The following IFI27L1 variants were observed in gnomAD, a reference collection of about 807,000 sequenced individuals.
The protein encoded by IFI27L1 is interferon alpha inducible protein 27 like 1.
A neutral mutation model predicts 9.2 loss-of-function variants in IFI27L1; 3 were observed. That is an observed-to-expected ratio of 0.32 (90% CI 0.15 to 0.84). IFI27L1 has a LOEUF of 0.84. Ranked by LOEUF, IFI27L1 falls within the 40% of genes least tolerant of loss-of-function variation. IFI27L1 has a pLI of 0.56. For missense variants in IFI27L1, 133 were observed against 134.2 expected (o/e 0.99, Z 0.05); for synonymous variants, 53 against 50.0 (o/e 1.06, Z -0.26).
At chr14:94,100,251 T>A in intron 2 of IFI27L1, 3 of 985,140 alleles carry the variant, frequency 3.0e-6, no homozygotes, top group Non-Finnish European at 2.4e-6. Flanking sequence ...GATGGGAGGA[T>A]TGAGGCTGAT....
chr14:94,102,351 TG>T (rs1886931743), intron 4 of IFI27L1, 125 bp from the exon 5 acceptor site: 2 of 605,728 alleles, frequency 3.3e-6, no homozygotes, highest in Admixed American at 3.1e-5. Context: ...GAAGCAGAGG[TG>T]GGGAACAGGG....
chr14:94,083,269 C>G (rs1886171751), intron 1 of IFI27L1, among the ~76,000 whole-genome samples: 1 of 152,208 alleles, frequency 6.6e-6, no homozygotes, highest in African/African-American at 2.4e-5. Flanking sequence ...AATGGATGAA[C>G]AGTTCCTTCT....
At chr14:94,086,720 A>G (rs900208908) in intron 1 of IFI27L1, among the ~76,000 whole-genome samples, 3 of 152,148 alleles carry the variant, frequency 2.0e-5, no homozygotes, top group Non-Finnish European at 4.4e-5. Context: ...TGCAAATAAT[A>G]ATAATAACAA....
chr14:94,099,522 T>C (rs77329189), intron 2 of IFI27L1, among the ~76,000 whole-genome samples: 13,773 of 152,124 alleles, frequency 0.091, 773 homozygotes, highest in Non-Finnish European at 0.12. Flanking sequence ...CAAGGATTGT[T>C]GGCAGCCACC....
intron 1 of IFI27L1, among the ~76,000 whole-genome samples, chr14:94,086,713 AAATAAT>A (rs1306045461): frequency 1.3e-5 from 2 of 152,248 alleles, no homozygotes; most frequent in South Asian, 4.1e-4. Flanking sequence ...GAACTTTTGC[AAATAAT>A]AATAATAACA....
At chr14:94,100,693 T>A in intron 2 of IFI27L1, 46 bp from the exon 3 acceptor site, 1 of 1,609,142 alleles carries the variant, frequency 6.2e-7, no homozygotes. Context: ...CTCCCATAGG[T>A]TTGTGTTTGT....
chr14:94,090,499 T>G lies in IFI27L1; in HGVS notation c.-51-6388T>G, dbSNP rs113403516. Among the ~76,000 whole-genome samples, 507 of 152,358 alleles carry G rather than the reference T, an allele frequency of 3.3e-3. 4 individuals are homozygous for G. The Middle Eastern group carries it at 0.058, about 17-fold the overall frequency. On this transcript the variant is annotated intron_variant, in intron 1 of 4. Transcript: ENST00000555523. ...TTGACTTTGGTGGAACTTTGTTCCA[T>G]GAAAGGAATCTCAGATAAGACATTT...
intron 3 of IFI27L1, chr14:94,101,354 T>C (rs1886888781): frequency 9.0e-6 from 2 of 222,052 alleles, no homozygotes; most frequent in South Asian, 9.7e-5. Flanking sequence ...ACTGCACTGC[T>C]CTGGAGATTT....
intron 1 of IFI27L1, among the ~76,000 whole-genome samples, chr14:94,081,814 C>T (rs543787601): frequency 6.6e-6 from 1 of 152,316 alleles, no homozygotes; most frequent in Non-Finnish European, 1.5e-5. Flanking sequence ...GACTAATCCA[C>T]TGACAGGCCG....
intron 3 of IFI27L1, chr14:94,101,449 T>G: frequency 6.8e-6 from 2 of 292,082 alleles, no homozygotes; most frequent in East Asian, 7.3e-5. Flanking sequence ...GCAGCTCTGA[T>G]ATTGTCTTCT....
intron 1 of IFI27L1, among the ~76,000 whole-genome samples, chr14:94,087,732 C>T (rs192319008): frequency 2.1e-4 from 32 of 151,812 alleles, no homozygotes; most frequent in Admixed American, 1.4e-3. Flanking sequence ...AGCCGATTGT[C>T]GTTTTTTTTT....
chr14:94,099,512 C>T (rs1194962014), intron 2 of IFI27L1, among the ~76,000 whole-genome samples: 3 of 152,058 alleles, frequency 2.0e-5, no homozygotes, highest in Non-Finnish European at 2.9e-5. Flanking sequence ...CCCGGAGCAC[C>T]AAGGATTGTT....
At chr14:94,084,660 C>G (rs911432753) in intron 1 of IFI27L1, among the ~76,000 whole-genome samples, 1 of 152,142 alleles carries the variant, frequency 6.6e-6, no homozygotes, top group Non-Finnish European at 1.5e-5. Context: ...GAAACAAAGA[C>G]AGTTATTCAA....
chr14:94,101,015 C>A lies in IFI27L1; in HGVS notation c.61+244C>A, dbSNP rs986356533. On this transcript the variant is annotated intron_variant, in intron 3 of 4. Coordinates refer to ENST00000555523, the MANE Select transcript of IFI27L1 (RefSeq NM_206949.3). ...CAGCTTCCACCAAGTACAAACCATG[C>A]AACCCCGGATGAGTCATTGGAGCAG... 1.1e-4 allele frequency: 65 copies of A among 603,556 alleles called. 1 individual carries two copies. The highest frequency in any genetic ancestry group is 8.7e-4 in the Middle Eastern group (2 of 2,288). The allele number at this position is 603,556 out of a possible 1,614,324, so 37.4% of individuals were successfully genotyped here. A position where few individuals can be genotyped will look rare whatever the true frequency, so the allele number is the denominator to read the frequency against.
chr14:94,085,964 G>C (rs1013592785), intron 1 of IFI27L1, among the ~76,000 whole-genome samples: 1 of 152,130 alleles, frequency 6.6e-6, no homozygotes, highest in Non-Finnish European at 1.5e-5. Context: ...AAAAACATAC[G>C]TATGTATAAG....
At chr14:94,095,119 C>T (rs1243104871) in intron 1 of IFI27L1, among the ~76,000 whole-genome samples, 1 of 152,140 alleles carries the variant, frequency 6.6e-6, no homozygotes, top group Non-Finnish European at 1.5e-5. Flanking sequence ...ACTGCAGCCT[C>T]GACTTCCTAG....
In IFI27L1 at chr14:94,099,103, A is replaced by G. The variant is rs148281570; in HGVS notation, c.29-1636A>G. 3.9e-5 allele frequency among the ~76,000 whole-genome samples: 6 copies of G among 152,332 alleles called. No individual in the cohort carries two copies. In the East Asian group the frequency reaches 9.7e-4, roughly 25 times the overall value. On this transcript the variant is annotated intron_variant, in intron 2 of 4. Coordinates refer to ENST00000555523, the MANE Select transcript of IFI27L1 (RefSeq NM_206949.3). ...TTACTGGTATTGGGAACAATCCCAGAGAGAGGGAGACTTTGATGATGCAGA... is the reference window on the plus strand; with the variant it reads ...TTACTGGTATTGGGAACAATCCCAGGGAGAGGGAGACTTTGATGATGCAGA...
intron 2 of IFI27L1, among the ~76,000 whole-genome samples, chr14:94,097,841 C>T (rs1886730909): frequency 6.6e-6 from 1 of 152,174 alleles, no homozygotes; most frequent in Non-Finnish European, 1.5e-5. Flanking sequence ...AATGGGAGTG[C>T]ACTTGGGTCA....
intron 1 of IFI27L1, among the ~76,000 whole-genome samples, chr14:94,095,466 C>T (rs1328142488): frequency 1.3e-5 from 2 of 152,162 alleles, no homozygotes; most frequent in Admixed American, 1.3e-4. Context: ...TTTTACATTT[C>T]TATCAAGGAA....
Sources: allele counts gnomAD v4.1 joint callset (sites outside exome capture counted in the v4.1 genomes callset), GRCh38; gene constraint gnomAD v4.1.1; transcripts MANE v1.5; gene names NCBI Gene and HGNC (gene_info 2026-07-23, HGNC 2026-07-21).